The following UNC79 variants were observed in gnomAD, a reference collection of about 807,000 sequenced individuals.
UNC79 encodes the protein protein unc-79 homolog.
A neutral mutation model predicts 283.1 loss-of-function variants in UNC79; 37 were observed. The ratio of observed to expected loss-of-function variants is 0.13; its 90% CI spans 0.10 to 0.17. The LOEUF (loss-of-function observed/expected upper bound fraction) is 0.17, where lower values mean the gene tolerates loss of function less well. Among genes scored for constraint, UNC79 ranks in the 10% least tolerant of loss-of-function variants. The pLI, the probability that UNC79 is intolerant of heterozygous loss-of-function variation, is 1.00. For synonymous variants in UNC79, 1,107 were observed against 1,200.2 expected (o/e 0.92, Z 1.61); for missense variants, 2,272 against 3,211.1 (o/e 0.71, Z 7.07).
Position 93,688,670 on chromosome 14 carries a change from C to T in UNC79, c.6915C>T (p.His2305=), listed in dbSNP as rs1372516436. The T allele has an allele frequency of 6.2e-7, 1 of 1,613,262 alleles. No homozygotes were observed. Among genetic ancestry groups the T allele is most frequent in the Non-Finnish European group, 8.5e-7 (1 of 1,179,566 alleles). Reference sequence around the variant, plus strand: ...AATACCATTCGGTTTTGTAGAGCCACATGAAGACATGTTCCCAGCCTCTGC... The same window carrying T: ...AATACCATTCGGTTTTGTAGAGCCATATGAAGACATGTTCCCAGCCTCTGC... The change falls in exon 44 of 49, where the codon CAC becomes CAT. Residue 2305 remains histidine, a synonymous_variant. Transcript: ENST00000555664. This position sits in a 1 kb window ranked among gnomAD's most constrained non-coding sequence, Gnocchi z 4.0.
At chr14:93,422,323 T>C (rs1004752649) in intron 1 of UNC79, among the ~76,000 whole-genome samples, 4 of 151,926 alleles carry the variant, frequency 2.6e-5, no homozygotes, top group East Asian at 3.9e-4. Context: ...GAAAGGAATA[T>C]CTTGTTTACA....
At chr14:93,538,724 C>T (rs922211210) in intron 12 of UNC79, among the ~76,000 whole-genome samples, 1 of 151,044 alleles carries the variant, frequency 6.6e-6, no homozygotes, top group Non-Finnish European at 1.5e-5. Flanking sequence ...CTGGGATAAA[C>T]CACGACCCTG....
At chr14:93,350,807 T>G (rs1190653912) in intron 1 of UNC79, among the ~76,000 whole-genome samples, 1 of 152,190 alleles carries the variant, frequency 6.6e-6, no homozygotes, top group Admixed American at 6.5e-5. Flanking sequence ...TCTTCCTCAG[T>G]TTTTTCATCA....
At chr14:93,625,356 T>C (rs142347839) in intron 30 of UNC79, among the ~76,000 whole-genome samples, 1 of 152,330 alleles carries the variant, frequency 6.6e-6, no homozygotes, top group African/African-American at 2.4e-5. Context: ...GAACCCTGGC[T>C]CTTCCTCACT....
chr14:93,391,937 A>G (rs976455496), intron 1 of UNC79, among the ~76,000 whole-genome samples: 3 of 152,236 alleles, frequency 2.0e-5, no homozygotes, highest in Non-Finnish European at 4.4e-5. Context: ...TATATTAAAG[A>G]GATGGCACTC....
intron 47 of UNC79, 125 bp from the exon 51 acceptor site, chr14:93,704,500 G>T: frequency 9.1e-7 from 1 of 1,100,644 alleles, no homozygotes; most frequent in South Asian, 1.3e-5. Context: ...TAGCCCTGCA[G>T]CAGGGCCCAC....
At chr14:93,365,351 C>T (rs1254655617) in intron 1 of UNC79, among the ~76,000 whole-genome samples, 1 of 141,676 alleles carries the variant, frequency 7.1e-6, no homozygotes. Flanking sequence ...TGCCACTGCA[C>T]TCCAGCCTGG....
At chr14:93,643,469 T>C in intron 33 of UNC79, 88 bp from the exon 37 acceptor site, 1 of 1,599,578 alleles carries the variant, frequency 6.3e-7, no homozygotes, top group Non-Finnish European at 8.5e-7. Context: ...TTCCAAGACC[T>C]ACTAAAAACA....
rs188830556 is a variant in UNC79, at chr14:93,617,511, A to G, written c.4224+207A>G. Among the ~76,000 whole-genome samples, 26 of 152,342 alleles carry G rather than the reference A, an allele frequency of 1.7e-4. No individual in the cohort carries two copies. Among genetic ancestry groups the G allele is most frequent in the Admixed American group, 1.7e-3 (26 of 15,308 alleles). ...GGCCCTGTTAATATATGCTCTAAAA[A>G]TGTTTAAAACAAAGAATGATAAATG... On this transcript the variant is annotated intron_variant, in intron 28 of 48. Transcript: ENST00000555664. This position sits in a 1 kb window ranked among gnomAD's most constrained non-coding sequence, Gnocchi z 4.5.
intron 41 of UNC79, among the ~76,000 whole-genome samples, chr14:93,675,210 A>AATATAGAGATGTGACAGGCATATCCTG (rs1423257141): frequency 6.6e-6 from 1 of 152,162 alleles, no homozygotes; most frequent in African/African-American, 2.4e-5. Context: ...GGGTTCTGGG[A>AATATAGAGATGTGACAGGCATATCCTG]ATATAGAGAT....
At chr14:93,522,798 A>G (rs2060382016) in intron 7 of UNC79, among the ~76,000 whole-genome samples, 1 of 152,062 alleles carries the variant, frequency 6.6e-6, no homozygotes, top group African/African-American at 2.4e-5. Context: ...GACCTGTTGT[A>G]TATTTTTAAA....
At chr14:93,565,242 G>T (rs753411106) in intron 14 of UNC79, among the ~76,000 whole-genome samples, 17 of 152,154 alleles carry the variant, frequency 1.1e-4, no homozygotes, top group Non-Finnish European at 2.4e-4. Flanking sequence ...TTTATTGGTC[G>T]TTGGGTTGGG....
chr14:93,581,149 G>A (rs889042448), intron 19 of UNC79, among the ~76,000 whole-genome samples: 8 of 151,934 alleles, frequency 5.3e-5, no homozygotes, highest in African/African-American at 1.5e-4. Flanking sequence ...CAGTATTTGT[G>A]TCTTTAAATT....
intron 1 of UNC79, among the ~76,000 whole-genome samples, chr14:93,372,363 A>G (rs1258448616): frequency 1.3e-5 from 2 of 152,230 alleles, no homozygotes; most frequent in African/African-American, 4.8e-5. Flanking sequence ...TTAATACACC[A>G]GTTAAAAGAC....
intron 2 of UNC79, among the ~76,000 whole-genome samples, chr14:93,472,629 T>C (rs953813090): frequency 6.6e-6 from 1 of 152,132 alleles, no homozygotes; most frequent in African/African-American, 2.4e-5. Context: ...AAGCATGTAG[T>C]CATTTTTCTT....
chr14:93,613,661 A>G (rs1325269049), intron 27 of UNC79, among the ~76,000 whole-genome samples: 1 of 152,088 alleles, frequency 6.6e-6, no homozygotes, highest in Non-Finnish European at 1.5e-5. Flanking sequence ...TGATCCGCCC[A>G]TCTTGGCCTC....
At chr14:93,438,511 C>A (rs1221931314) in intron 1 of UNC79, among the ~76,000 whole-genome samples, 1 of 152,054 alleles carries the variant, frequency 6.6e-6, no homozygotes, top group Non-Finnish European at 1.5e-5. Context: ...TCACAGGGAG[C>A]CAACAATTGC....
rs1214586691 is a variant in UNC79, at chr14:93,580,514, T to C, written c.2661+138T>C. 5 of 866,036 alleles carry C rather than the reference T, an allele frequency of 5.8e-6. No homozygotes were observed. In the African/African-American group the frequency reaches 8.5e-5, roughly 15 times the overall value. The allele number at this position is 866,036 out of a possible 1,614,324, so 53.6% of individuals were successfully genotyped here. ...GTGAGACTGTGTTAAAAGAAACTTTTCCCATTGCTTCTGCCAACTCAGGCT... is the reference window on the plus strand; with the variant it reads ...GTGAGACTGTGTTAAAAGAAACTTTCCCCATTGCTTCTGCCAACTCAGGCT... On this transcript the variant is annotated intron_variant, in intron 19 of 48. Transcript: ENST00000555664.
rs1377471309 is a variant in UNC79, at chr14:93,456,316, AATT to A, written c.23-11352_23-11350del. ...ATTCTTCATGTCTTTATTAGTGAGA[AATT>A]ATATGAAAATATTGATAAGTAAAAT... On this transcript the variant is annotated intron_variant, in intron 1 of 48. Transcript: ENST00000555664. 2.6e-5 allele frequency among the ~76,000 whole-genome samples: 4 copies of A among 152,298 alleles called. No individual in the cohort carries two copies. The East Asian group carries it at 7.7e-4, about 29-fold the overall frequency.
Sources: allele counts gnomAD v4.1 joint callset (sites outside exome capture counted in the v4.1 genomes callset), GRCh38; gene constraint gnomAD v4.1.1; non-coding constraint Gnocchi (gnomAD v3.1); transcripts MANE v1.5; gene names NCBI Gene and HGNC (gene_info 2026-07-23, HGNC 2026-07-21).